The following ADAM22 variants were observed in gnomAD, a reference collection of about 807,000 sequenced individuals.
The protein encoded by ADAM22 is disintegrin and metalloproteinase domain-containing protein 22.
Under a neutral mutation model 144.6 loss-of-function variants are expected in ADAM22, and 65 were observed. The ratio of observed to expected loss-of-function variants is 0.45; its 90% CI spans 0.37 to 0.55. The LOEUF is 0.55. Among genes scored for constraint, ADAM22 ranks in the 20% least tolerant of loss-of-function variants. ADAM22 has a pLI of 0.00. For synonymous variants in ADAM22, 391 were observed against 412.6 expected, an observed-to-expected ratio of 0.95 and a Z score of 0.63; for missense variants, 974 against 1,184.9, an observed-to-expected ratio of 0.82 and a Z score of 2.61.
intron 4 of ADAM22, among the ~76,000 whole-genome samples, chr7:88,105,656 A>G (rs1290936579): frequency 6.6e-6 from 1 of 152,196 alleles, no homozygotes; most frequent in African/African-American, 2.4e-5. Flanking sequence ...TGCATAACTC[A>G]CAGGTTCGAG....
intron 7 of ADAM22, among the ~76,000 whole-genome samples, chr7:88,117,274 A>T (rs949196940): frequency 2.6e-5 from 4 of 152,216 alleles, no homozygotes; most frequent in Admixed American, 6.5e-5. Flanking sequence ...ATTTCTTCTC[A>T]TCTATACCTA....
chr7:88,040,482 T>C (rs1034964666), intron 3 of ADAM22, among the ~76,000 whole-genome samples: 7 of 152,098 alleles, frequency 4.6e-5, no homozygotes, highest in Non-Finnish European at 8.8e-5. Flanking sequence ...CCATCAGGTC[T>C]TCTAGATTTT....
chr7:88,161,419 T>C (rs1348519721), intron 22 of ADAM22, among the ~76,000 whole-genome samples: 1 of 152,094 alleles, frequency 6.6e-6, no homozygotes, highest in African/African-American at 2.4e-5. Flanking sequence ...GTCAAAGATT[T>C]CATTATGAAG....
rs1258278102 is a variant in ADAM22 at position 88,084,543 on chromosome 7, C to T, written c.390+8851C>T. On this transcript the variant is annotated intron_variant, in intron 4 of 31. Transcript: ENST00000413139. The stretch of plus-strand genomic sequence containing the variant: ...AAATGCTGAATTCTGCCCATCAATC[C>T]AAAGTCAGTAGCCAATTATTTCTCT... 1.1e-4 allele frequency among the ~76,000 whole-genome samples: 16 copies of T among 152,160 alleles called. No individual in the cohort carries two copies. The East Asian group carries it at 3.1e-3, about 29-fold the overall frequency.
At chr7:88,171,667 TATA>T in intron 26 of ADAM22, 106 bp downstream of exon 26, 1 of 1,028,426 alleles carries the variant, frequency 9.7e-7, no homozygotes, top group Non-Finnish European at 1.4e-6. Flanking sequence ...TGTTTTTATG[TATA>T]ATAATCATAC....
At position 88,197,691 on chromosome 7, in the gene ADAM22, T is replaced by C. The variant is rs1173310694; in HGVS notation, c.*1200T>C. On this transcript the variant is annotated 3_prime_UTR_variant, in exon 32 of 32. Coordinates refer to ENST00000413139, the MANE Select transcript of ADAM22 (RefSeq NM_001324418.2). ...AATGACTTGTTTTAACAAAAACAAC[T>C]TTGACACTGTTGATTAAGAATATTT... The C allele has an allele frequency of 1.3e-5, 2 of 152,220 alleles. No individual in the cohort carries two copies. Among genetic ancestry groups the C allele is most frequent in the Non-Finnish European group, 2.9e-5 (2 of 68,044 alleles). The allele number at this position is 152,220 out of a possible 1,614,324, so 9.4% of individuals were successfully genotyped here. A position where few individuals can be genotyped will look rare whatever the true frequency, so the allele number is the denominator to read the frequency against.
intron 3 of ADAM22, among the ~76,000 whole-genome samples, chr7:88,043,354 G>A (rs867402569): frequency 1.3e-5 from 2 of 151,824 alleles, no homozygotes; most frequent in African/African-American, 2.4e-5. Context: ...GCGTGGTGGC[G>A]GGCACCTGTA....
At chr7:87,942,987 A>C (rs1050901453) in intron 2 of ADAM22, among the ~76,000 whole-genome samples, 4 of 152,112 alleles carry the variant, frequency 2.6e-5, no homozygotes, top group African/African-American at 9.7e-5. Flanking sequence ...ATATGTAATC[A>C]ATAATAACAA....
At chr7:88,185,702 G>C (rs1395881500) in intron 29 of ADAM22, 2 of 152,080 alleles carry the variant, frequency 1.3e-5, no homozygotes, top group Non-Finnish European at 2.9e-5. Flanking sequence ...GGAAACTCTG[G>C]GGAAAACCAA....
chr7:87,975,029 A>G (rs938632419), intron 2 of ADAM22, among the ~76,000 whole-genome samples: 12 of 152,302 alleles, frequency 7.9e-5, no homozygotes, highest in Admixed American at 4.6e-4. Context: ...GGTCCTTAAC[A>G]ATATCTGCAC....
At chr7:88,122,491 G>A (rs562603578) in intron 7 of ADAM22, among the ~76,000 whole-genome samples, 9 of 152,268 alleles carry the variant, frequency 5.9e-5, no homozygotes, top group African/African-American at 2.2e-4. Context: ...TTGGCCCCCA[G>A]TAATTCCTGT....
At chr7:88,079,159 T>C (rs1815669870) in intron 4 of ADAM22, among the ~76,000 whole-genome samples, 1 of 152,126 alleles carries the variant, frequency 6.6e-6, no homozygotes, top group South Asian at 2.1e-4. Context: ...TGGCAGAAAC[T>C]CTACAAGCCA....
chr7:88,006,359 C>G (rs1204249531), intron 3 of ADAM22, among the ~76,000 whole-genome samples: 1 of 151,720 alleles, frequency 6.6e-6, no homozygotes, highest in Non-Finnish European at 1.5e-5. Flanking sequence ...TGAAACTATT[C>G]CAATCAACAG....
At chr7:87,989,242 G>C (rs926876235) in intron 3 of ADAM22, among the ~76,000 whole-genome samples, 1 of 152,078 alleles carries the variant, frequency 6.6e-6, no homozygotes, top group Non-Finnish European at 1.5e-5. Flanking sequence ...AACAAGCTAT[G>C]GTAAGTTTCC....
At chr7:88,069,100 T>A (rs1036388774) in intron 3 of ADAM22, among the ~76,000 whole-genome samples, 2 of 151,846 alleles carry the variant, frequency 1.3e-5, no homozygotes, top group African/African-American at 2.4e-5. Context: ...GCTCTCCCCC[T>A]CTCTCTCTGG....
intron 4 of ADAM22, among the ~76,000 whole-genome samples, chr7:88,078,788 G>T (rs1585501635): frequency 6.6e-6 from 1 of 152,246 alleles, no homozygotes; most frequent in Middle Eastern, 3.4e-3. Flanking sequence ...GTGAAGAGAA[G>T]TTCAGAGAAA....
intron 3 of ADAM22, among the ~76,000 whole-genome samples, chr7:88,001,157 T>C (rs1049627802): frequency 2.4e-4 from 37 of 152,354 alleles, no homozygotes; most frequent in African/African-American, 8.4e-4. Flanking sequence ...ACAGGTTAAA[T>C]ATTTCTTATC....
intron 3 of ADAM22, among the ~76,000 whole-genome samples, chr7:88,005,682 A>C (rs1055989051): frequency 1.3e-5 from 2 of 152,136 alleles, no homozygotes; most frequent in Admixed American, 6.5e-5. Flanking sequence ...GTATTTCACT[A>C]ATGTAGGCTT....
At chr7:88,167,481 T>TGCCAGTGTGGTGCTGCCTCTCC (rs1843220801) in intron 24 of ADAM22, among the ~76,000 whole-genome samples, 1 of 152,194 alleles carries the variant, frequency 6.6e-6, no homozygotes, top group Non-Finnish European at 1.5e-5. Context: ...CCTGTCTCTC[T>TGCCAGTGTGGTGCTGCCTCTCC]GCCAGTGTGG....
Sources: gnomAD v4.1 joint callset for allele counts (sites outside exome capture counted in the v4.1 genomes callset) on GRCh38, gnomAD v4.1.1 for gene constraint, MANE v1.5 for transcripts, NCBI Gene and HGNC (gene_info 2026-07-23, HGNC 2026-07-21) for gene names.